NRXN3: variants seen among roughly 807,000 people sequenced by gnomAD.
NRXN3 encodes the protein neurexin 3, also known as neurexin III.
A neutral mutation model predicts 137.6 loss-of-function variants in NRXN3; 32 were observed. The ratio of observed to expected loss-of-function variants is 0.23; its 90% CI spans 0.18 to 0.31. The LOEUF is 0.31. Ranked by LOEUF, NRXN3 falls within the 10% of genes least tolerant of loss-of-function variation. NRXN3 has a pLI of 1.00. For missense variants in NRXN3, 1,574 were observed against 2,062.5 expected (o/e 0.76, Z 4.59); for synonymous variants, 798 against 784.5 (o/e 1.02, Z -0.29).
At chr14:79,815,190 C>T (rs1322596929) in intron 20 of NRXN3, among the ~76,000 whole-genome samples, 2 of 152,082 alleles carry the variant, frequency 1.3e-5, no homozygotes, top group African/African-American at 4.8e-5. Flanking sequence ...ATTATCCAGG[C>T]GATTTGATGC....
intron 15 of NRXN3, among the ~76,000 whole-genome samples, chr14:79,062,398 CTG>C (rs1306772212): frequency 2.6e-5 from 4 of 152,162 alleles, no homozygotes; most frequent in African/African-American, 7.2e-5. Flanking sequence ...GCCCTTAAGA[CTG>C]TGAACATTCA....
At chr14:78,795,832 G>A (rs547712432) in intron 8 of NRXN3, among the ~76,000 whole-genome samples, 1 of 152,248 alleles carries the variant, frequency 6.6e-6, no homozygotes, top group East Asian at 1.9e-4. Flanking sequence ...TTAAAAAATT[G>A]TCATAAGGAC....
At chr14:78,841,674 T>A (rs1408225416) in intron 10 of NRXN3, among the ~76,000 whole-genome samples, 2 of 152,096 alleles carry the variant, frequency 1.3e-5, no homozygotes, top group African/African-American at 4.8e-5. Context: ...TTTTTCACTC[T>A]CCCTCCAGTG....
chr14:78,666,991 A>G (rs980359895), intron 6 of NRXN3, among the ~76,000 whole-genome samples: 6 of 152,092 alleles, frequency 3.9e-5, no homozygotes, highest in African/African-American at 1.4e-4. Flanking sequence ...TCTTTCTTCT[A>G]TAACTTGTTT....
At chr14:78,704,614 T>G (rs1411012429) in intron 6 of NRXN3, among the ~76,000 whole-genome samples, 4 of 152,092 alleles carry the variant, frequency 2.6e-5, no homozygotes, top group Non-Finnish European at 5.9e-5. Context: ...TGTGTAGGCA[T>G]GGGGTACAGG....
At chr14:79,078,639 T>C (rs1474572280) in intron 15 of NRXN3, among the ~76,000 whole-genome samples, 1 of 152,212 alleles carries the variant, frequency 6.6e-6, no homozygotes, top group Non-Finnish European at 1.5e-5. Flanking sequence ...TGGCTCTGAT[T>C]GTTAATGTTT....
At chr14:79,370,387 T>G (rs938077169) in intron 15 of NRXN3, among the ~76,000 whole-genome samples, 6 of 151,616 alleles carry the variant, frequency 4.0e-5, no homozygotes, top group Non-Finnish European at 7.4e-5. Flanking sequence ...GGCGCCATCT[T>G]GGCTCACTGC....
At chr14:79,838,086 C>T (rs1002070115) in intron 20 of NRXN3, among the ~76,000 whole-genome samples, 2 of 146,786 alleles carry the variant, frequency 1.4e-5, no homozygotes, top group African/African-American at 4.9e-5. Context: ...GAATAGTATA[C>T]AGTGTTAAAA....
Position 78,645,383 on chromosome 14 carries a change from G to T in NRXN3, c.1021G>T (p.Ala341Ser). The T allele has an allele frequency of 6.3e-7, 1 of 1,596,208 alleles. No homozygotes were observed. The highest frequency in any genetic ancestry group is 8.5e-7 in the Non-Finnish European group (1 of 1,177,740). ...AGTGAATGGAAAATTCAACGACAAC[G>T]CCTGGCATGATGTCAAAGTGACACG... ...EPVNGKFNDN[A>S]WHDVKVTRNL... Residue 341 changes from alanine to serine, a missense_variant, in exon 5 of 21, where the codon GCC becomes TCC. By Grantham distance (99) the Ala-to-Ser change is moderately conservative (BLOSUM62 1). Coordinates refer to ENST00000335750, the MANE Select transcript of NRXN3 (RefSeq NM_001330195.2).
intron 4 of NRXN3, among the ~76,000 whole-genome samples, chr14:78,326,322 A>G (rs1251034543): frequency 6.6e-6 from 1 of 152,200 alleles, no homozygotes; most frequent in African/African-American, 2.4e-5. Context: ...CAGCCTTAAC[A>G]TGTGCTGAGA....
chr14:78,326,362 T>A (rs1025155930), intron 4 of NRXN3, among the ~76,000 whole-genome samples: 4 of 152,192 alleles, frequency 2.6e-5, no homozygotes, highest in African/African-American at 9.7e-5. Context: ...AAGGGCACCA[T>A]TTCACAGGAT....
intron 10 of NRXN3, among the ~76,000 whole-genome samples, chr14:78,831,545 A>AC (rs2098982162): frequency 6.6e-6 from 1 of 150,668 alleles, no homozygotes; most frequent in African/African-American, 2.4e-5. Context: ...AAAAAAAAAA[A>AC]AAAAAAAAAA....
intron 15 of NRXN3, among the ~76,000 whole-genome samples, chr14:79,353,624 G>C (rs2153397612): frequency 6.6e-6 from 1 of 152,252 alleles, no homozygotes; most frequent in South Asian, 2.1e-4. Flanking sequence ...AAATATTGCT[G>C]TTACTAATAA....
At position 79,358,601 on chromosome 14, in the gene NRXN3, AAGAAAG is replaced by A. The variant is rs1337520024; in HGVS notation, c.3263-108612_3263-108607del. 3.6e-4 allele frequency among the ~76,000 whole-genome samples: 35 copies of A among 96,856 alleles called. No individual in the cohort carries two copies. The East Asian group carries it at 3.9e-3, about 11-fold the overall frequency. 63.5% of individuals were successfully genotyped at this position (96,856 alleles called of 152,430 possible). On this transcript the variant is annotated intron_variant, in intron 15 of 20. Transcript: ENST00000335750. ...AAAGAAAGAGAGAAAGAAAGAAAGAAAGAAAGAGAAAGAAAGAAAGAAAGAAAGAAA... is the reference window on the plus strand; with the variant it reads ...AAAGAAAGAGAGAAAGAAAGAAAGAAAGAAAGAAAGAAAGAAAGAAAGAAA...
chr14:78,370,961 A>G (rs963624149), intron 4 of NRXN3, among the ~76,000 whole-genome samples: 1 of 152,218 alleles, frequency 6.6e-6, no homozygotes, highest in African/African-American at 2.4e-5. Flanking sequence ...ACAAAAAAGT[A>G]GATTAACCTG....
intron 10 of NRXN3, among the ~76,000 whole-genome samples, chr14:78,893,773 A>C (rs154393): frequency 0.054 from 8,231 of 151,938 alleles, 734 homozygotes; most frequent in African/African-American, 0.19. Context: ...TCAGTCTAGT[A>C]TAAAGTGTCC....
intron 19 of NRXN3, among the ~76,000 whole-genome samples, chr14:79,773,462 G>A (rs2099085965): frequency 6.6e-6 from 1 of 152,058 alleles, no homozygotes; most frequent in Non-Finnish European, 1.5e-5. Flanking sequence ...AAAAGGATGA[G>A]TTCATGTCCT....
At position 78,988,012 on chromosome 14, in the gene NRXN3, G is replaced by T; in HGVS notation, c.3143-10G>T. 1.9e-6 allele frequency: 3 copies of T among 1,607,020 alleles called. No individual in the cohort carries two copies. The highest frequency in any genetic ancestry group is 2.5e-6 in the Non-Finnish European group (3 of 1,177,126). ...TTTTCTTTTTTTCCCCTCTTCTTGT[G>T]CATTACTAGGACCCAGTACCACCTG... On this transcript the variant is annotated splice_polypyrimidine_tract_variant and intron_variant, in intron 14 of 20. Coordinates refer to ENST00000335750, the MANE Select transcript of NRXN3 (RefSeq NM_001330195.2).
intron 15 of NRXN3, among the ~76,000 whole-genome samples, chr14:79,384,657 T>C (rs1301824568): frequency 6.6e-6 from 1 of 152,154 alleles, no homozygotes; most frequent in Admixed American, 6.5e-5. Flanking sequence ...GTTTTGAAAC[T>C]GTGAAGGTGT....
Sources: gnomAD v4.1 joint callset for allele counts (sites outside exome capture counted in the v4.1 genomes callset) on GRCh38, gnomAD v4.1.1 for gene constraint, MANE v1.5 for transcripts, NCBI Gene and HGNC (gene_info 2026-07-23, HGNC 2026-07-21) for gene names.